The following ELP4 variants were observed in gnomAD, a reference collection of about 807,000 sequenced individuals.
ELP4 encodes the protein elongator complex protein 4.
In ELP4, 51 loss-of-function variants were observed where a neutral mutation model predicts 48.9. The ratio of observed to expected loss-of-function variants is 1.04; its 90% CI spans 0.83 to 1.32. ELP4 has a LOEUF of 1.32. Among genes scored for constraint, ELP4 ranks in the 40% most tolerant of loss-of-function variants. ELP4 has a pLI of 0.00. For synonymous variants in ELP4, 210 were observed against 189.2 expected (o/e 1.11, Z -0.90); for missense variants, 519 against 514.6 (o/e 1.01, Z -0.08).
At chr11:31,541,227 C>T (rs533797276) in intron 3 of ELP4, among the ~76,000 whole-genome samples, 1 of 152,098 alleles carries the variant, frequency 6.6e-6, no homozygotes, top group Non-Finnish European at 1.5e-5. Context: ...TAAAATAATT[C>T]GTTCATATGA....
At chr11:31,613,252 T>G (rs1958016103) in intron 5 of ELP4, among the ~76,000 whole-genome samples, 1 of 152,180 alleles carries the variant, frequency 6.6e-6, no homozygotes. Context: ...TTACATAAAA[T>G]TTTGTATAGC....
At chr11:31,518,812 C>T (rs191479934) in intron 1 of ELP4, among the ~76,000 whole-genome samples, 1 of 149,394 alleles carries the variant, frequency 6.7e-6, no homozygotes, top group East Asian at 2.0e-4. Flanking sequence ...AGGAGAATCA[C>T]TTGAACCCGG....
chr11:31,597,690 G>A (rs1282676322), intron 4 of ELP4, among the ~76,000 whole-genome samples: 1 of 151,930 alleles, frequency 6.6e-6, no homozygotes. Context: ...TCCTGCCTCA[G>A]CCTCCCGAGT....
At chr11:31,677,407 G>A (rs191219656) in intron 9 of ELP4, among the ~76,000 whole-genome samples, 16 of 152,286 alleles carry the variant, frequency 1.1e-4, no homozygotes, top group Non-Finnish European at 2.2e-4. Context: ...AATTTTAGTA[G>A]AGAATAACTA....
intron 2 of ELP4, among the ~76,000 whole-genome samples, chr11:31,539,167 A>AAAT (rs1366061478): frequency 6.6e-6 from 1 of 152,204 alleles, no homozygotes; most frequent in Admixed American, 6.5e-5. Context: ...AAAGTCTATT[A>AAAT]AAAGTACCTA....
intron 9 of ELP4, among the ~76,000 whole-genome samples, chr11:31,749,598 A>G (rs1565139507): frequency 6.6e-6 from 1 of 152,172 alleles, no homozygotes. Context: ...TATGTATACT[A>G]TATCATTGGA....
intron 9 of ELP4, chr11:31,664,196 G>A (rs1258612228): frequency 2.0e-5 from 3 of 152,120 alleles, no homozygotes; most frequent in African/African-American, 7.2e-5. Flanking sequence ...GAATAAAGCT[G>A]CCAGGAAGGG....
chr11:31,581,624 G>GT (rs993844315), intron 3 of ELP4, among the ~76,000 whole-genome samples: 3 of 152,010 alleles, frequency 2.0e-5, no homozygotes, highest in African/African-American at 7.3e-5. Flanking sequence ...TATATGCCTT[G>GT]TTGTAGGTCT....
At chr11:31,689,997 C>T (rs1946242951) in intron 9 of ELP4, among the ~76,000 whole-genome samples, 1 of 151,958 alleles carries the variant, frequency 6.6e-6, no homozygotes. Context: ...TGAAATGGAA[C>T]CAAAATTAAT....
At chr11:31,760,894 A>G (rs1947931494) in intron 9 of ELP4, among the ~76,000 whole-genome samples, 1 of 152,228 alleles carries the variant, frequency 6.6e-6, no homozygotes, top group Non-Finnish European at 1.5e-5. Flanking sequence ...ATTCACTGCT[A>G]TTTCAAAAAG....
intron 9 of ELP4, among the ~76,000 whole-genome samples, chr11:31,708,664 G>A (rs1441193263): frequency 1.3e-5 from 2 of 152,054 alleles, no homozygotes; most frequent in East Asian, 3.8e-4. Context: ...CTTAAGAGAA[G>A]ATGCTGGTTT....
chr11:31,635,823 A>G (rs1055259346), intron 7 of ELP4, among the ~76,000 whole-genome samples: 2 of 152,084 alleles, frequency 1.3e-5, no homozygotes, highest in African/African-American at 4.8e-5. Context: ...ATAAGATATA[A>G]AAGTCTATCA....
intron 9 of ELP4, among the ~76,000 whole-genome samples, chr11:31,728,212 G>A (rs903459307): frequency 1.3e-5 from 2 of 152,104 alleles, no homozygotes; most frequent in Non-Finnish European, 2.9e-5. Flanking sequence ...AGAGGATGGA[G>A]CTAGGGAATT....
chr11:31,705,677 T>C (rs1025975202), intron 9 of ELP4, among the ~76,000 whole-genome samples: 1 of 152,200 alleles, frequency 6.6e-6, no homozygotes, highest in Non-Finnish European at 1.5e-5. Context: ...GTTCTAACTT[T>C]CTCTTAAAGG....
intron 3 of ELP4, among the ~76,000 whole-genome samples, chr11:31,564,378 C>A (rs895459581): frequency 3.6e-4 from 50 of 138,100 alleles, no homozygotes; most frequent in Admixed American, 1.2e-3. Flanking sequence ...GATTCATTTT[C>A]TTTTTTTTTT....
intron 9 of ELP4, among the ~76,000 whole-genome samples, chr11:31,703,644 T>C (rs1020023642): frequency 2.0e-5 from 3 of 152,186 alleles, no homozygotes; most frequent in African/African-American, 7.2e-5. Flanking sequence ...TCTCTCCAGG[T>C]ACCTTACACC....
chr11:31,638,916 A>G (rs1945032931), intron 7 of ELP4, among the ~76,000 whole-genome samples: 1 of 151,880 alleles, frequency 6.6e-6, no homozygotes, highest in African/African-American at 2.4e-5. Context: ...GAATAATTGC[A>G]TGGTGAAGAA....
rs1271815220 is a variant in ELP4 at position 31,787,840 on chromosome 11, C to T, written c.*4316C>T. On this transcript the variant is annotated 3_prime_UTR_variant, in exon 10 of 10. Coordinates refer to ENST00000640961, the MANE Select transcript of ELP4 (RefSeq NM_019040.5). ...TAACTAAAAAACAGTAGATATTGAA[C>T]GAGAAGGTCATGTTTAAATCCTTCC... The T allele has an allele frequency of 1.8e-5, 4 of 222,774 alleles. No individual in the cohort carries two copies. Among genetic ancestry groups the T allele is most frequent in the African/African-American group, 4.5e-5 (2 of 44,766 alleles). The allele number at this position is 222,774 out of a possible 1,614,324, so 13.8% of individuals were successfully genotyped here.
At chr11:31,704,695 A>G (rs1169653869) in intron 9 of ELP4, among the ~76,000 whole-genome samples, 1 of 152,120 alleles carries the variant, frequency 6.6e-6, no homozygotes. Flanking sequence ...GATCATAGAA[A>G]ACACTACTCT....
Sources: gnomAD v4.1 joint callset for allele counts (sites outside exome capture counted in the v4.1 genomes callset) on GRCh38, gnomAD v4.1.1 for gene constraint, MANE v1.5 for transcripts, NCBI Gene and HGNC (gene_info 2026-07-23, HGNC 2026-07-21) for gene names.